The following CEP44 variants were observed in gnomAD, a reference collection of about 807,000 sequenced individuals.
CEP44 encodes centrosomal protein 44.
CEP44 carries 45 observed loss-of-function variants against 46.7 expected under a neutral mutation model. The observed-to-expected ratio is 0.96, with a 90% CI of 0.76 to 1.24. CEP44 has a LOEUF of 1.24. CEP44 is among the 50% of genes most tolerant of loss of function. CEP44 has a pLI of 0.00. For missense variants in CEP44, 475 were observed against 459.7 expected, an observed-to-expected ratio of 1.03 and a Z score of -0.30; for synonymous variants, 142 against 146.0, an observed-to-expected ratio of 0.97 and a Z score of 0.20.
chr4:174,328,577 C>G (rs951923134), intron 8 of CEP44, among the ~76,000 whole-genome samples: 2 of 152,182 alleles, frequency 1.3e-5, no homozygotes, highest in African/African-American at 4.8e-5. Flanking sequence ...CCAGGCCTAC[C>G]TATGGACTTT....
rs202230528 is a variant in CEP44, at chr4:174,309,952, T to G, written c.781T>G (p.Leu261Val). 1.9e-6 allele frequency: 3 copies of G among 1,612,804 alleles called. No homozygotes were observed. Among genetic ancestry groups the G allele is most frequent in the Non-Finnish European group, 2.5e-6 (3 of 1,179,240 alleles). ...TTCGATAGAGAAAAGGTTAGACTGT[T>G]TGGAACAAAAAATGAAAGGAAAAGT... is the stretch of plus-strand genomic sequence containing the variant. ...LTSIEKRLDC[L>V]EQKMKGKVMV... is the part of the protein sequence containing the mutation. Residue 261 changes from leucine to valine, a missense_variant, in exon 8 of 12, where the codon TTG (leucine) becomes GTG (valine). Transcript: ENST00000503780. The surrounding 1 kb of genome is among the most constrained non-coding windows in gnomAD (Gnocchi z 5.3).
chr4:174,328,745 A>G (rs901519588), intron 8 of CEP44, among the ~76,000 whole-genome samples: 9 of 152,224 alleles, frequency 5.9e-5, no homozygotes, highest in Non-Finnish European at 8.8e-5. Flanking sequence ...TTTGACATAT[A>G]TAAAAGATAT....
In CEP44 at chr4:174,302,108, T is replaced by G; in HGVS notation, c.159T>G (p.Tyr53Ter). 6.2e-7 allele frequency: 1 copy of G among 1,612,386 alleles called. No individual in the cohort carries two copies. The highest frequency in any genetic ancestry group is 2.2e-5 in the East Asian group (1 of 44,728). ...ISYSFTSYSP[Y>*]VTELIMESNV... is the part of the protein sequence containing the mutation. Reference sequence around the variant, plus strand: ...ATTCTTTTACCTCATACTCACCTTATGTAACAGAACTTATAATGGAATCCA... The same window carrying G: ...ATTCTTTTACCTCATACTCACCTTAGGTAACAGAACTTATAATGGAATCCA... Residue 53 changes from tyrosine to a stop codon, truncating the protein, a stop_gained, in exon 4 of 12, where the codon TAT becomes TAG. Transcript: ENST00000503780. LOFTEE classifies it high-confidence loss of function.
chr4:174,294,587 G>A (rs1364322966), intron 1 of CEP44, among the ~76,000 whole-genome samples: 1 of 151,922 alleles, frequency 6.6e-6, no homozygotes, highest in Non-Finnish European at 1.5e-5. Context: ...TGGTGGCTGG[G>A]CAGAGGGGCT....
intron 6 of CEP44, among the ~76,000 whole-genome samples, chr4:174,306,470 TTG>T (rs1262827998): frequency 6.6e-6 from 1 of 152,156 alleles, no homozygotes; most frequent in African/African-American, 2.4e-5. Flanking sequence ...TAATCTTGTT[TTG>T]TCTTTATTTT....
intron 2 of CEP44, 41 bp from the exon 3 acceptor site, chr4:174,299,031 T>C (rs1739401010): frequency 3.5e-6 from 4 of 1,127,718 alleles, no homozygotes; most frequent in Non-Finnish European, 5.1e-6. Flanking sequence ...GCTTCAAAAA[T>C]ACAGAGACTT....
At chr4:174,289,716 A>G (rs978646810) in intron 1 of CEP44, among the ~76,000 whole-genome samples, 3 of 150,620 alleles carry the variant, frequency 2.0e-5, no homozygotes, top group Non-Finnish European at 3.0e-5. Context: ...TTGTTTTTCA[A>G]TTTTCTATTT....
At chr4:174,323,305 TC>T (rs902454203), downstream of CEP44, among the ~76,000 whole-genome samples, 1 of 151,962 alleles carries the variant, frequency 6.6e-6, no homozygotes, top group Non-Finnish European at 1.5e-5. Flanking sequence ...TGAGAGGTTT[TC>T]CCCCCTCATG....
intron 1 of CEP44, among the ~76,000 whole-genome samples, chr4:174,293,084 G>A (rs192669617): frequency 1.3e-3 from 202 of 152,308 alleles, no homozygotes; most frequent in African/African-American, 4.6e-3. Flanking sequence ...AGTCACTTAG[G>A]TGGAGCCAGG....
At chr4:174,307,551 G>A (rs1236424490) in intron 6 of CEP44, among the ~76,000 whole-genome samples, 1 of 152,102 alleles carries the variant, frequency 6.6e-6, no homozygotes. Context: ...CATAGGTGTC[G>A]GCAATGATTT....
rs185943272 is a variant in CEP44, at chr4:174,291,027, G to A, written c.-147-6939G>A. On this transcript the variant is annotated intron_variant, in intron 1 of 11. Transcript: ENST00000503780. Reference sequence around the variant, plus strand: ...CTCAATCCCTTCACTTTTAGCCTACGTGTGTCCTTAAATGTTAGAGTCTCT... The same window carrying A: ...CTCAATCCCTTCACTTTTAGCCTACATGTGTCCTTAAATGTTAGAGTCTCT... Among the ~76,000 whole-genome samples, 35 of 152,194 alleles carry A rather than the reference G, an allele frequency of 2.3e-4. No individual in the cohort carries two copies. In the East Asian group the frequency reaches 4.4e-3, roughly 19 times the overall value.
At chr4:174,293,816 T>A (rs1029842156) in intron 1 of CEP44, among the ~76,000 whole-genome samples, 1 of 152,198 alleles carries the variant, frequency 6.6e-6, no homozygotes, top group Admixed American at 6.5e-5. Flanking sequence ...AGCTAGGACT[T>A]CTGGAACACT....
intron 4 of CEP44, 91 bp from the exon 5 acceptor site, chr4:174,303,612 G>A: frequency 1.4e-6 from 1 of 709,492 alleles, no homozygotes; most frequent in Non-Finnish European, 2.3e-6. Context: ...CTCAAAGGTG[G>A]CCATTATTCC....
At chr4:174,322,434 C>A (rs1560923945), downstream of CEP44, among the ~76,000 whole-genome samples, 5 of 152,228 alleles carry the variant, frequency 3.3e-5, no homozygotes, top group East Asian at 5.8e-4. Flanking sequence ...TTAAACATAA[C>A]TCCCTCCAAA....
chr4:174,317,587 CTT>C lies in CEP44; in HGVS notation c.*216_*217del, dbSNP rs34842155. ...GATTATACTGCTTTACCTTGTGTCA[CTT>C]TTTTTTTTTTTAGGAAAAACTCATG... is the stretch of plus-strand genomic sequence containing the variant. On this transcript the variant is annotated 3_prime_UTR_variant, in exon 12 of 12. Transcript: ENST00000503780. 893 of 875,078 alleles carry C rather than the reference CTT, an allele frequency of 1.0e-3. No homozygotes were observed. Among genetic ancestry groups the C allele is most frequent in the East Asian group, 2.8e-3 (45 of 16,068 alleles). The allele number at this position is 875,078 out of a possible 1,614,324, so 54.2% of individuals were successfully genotyped here. A position where few individuals can be genotyped will look rare whatever the true frequency, so the allele number is the denominator to read the frequency against.
In CEP44 at chr4:174,303,733, A is replaced by AT; in HGVS notation, c.272dup (p.Leu91PhefsTer21). ...TCGTGATCAATTTAATTATAAACCA[A>AT]TTTTGACAAAAAAGCAGTTTATCCA... On this transcript the variant is annotated frameshift_variant, in exon 5 of 12. Coordinates refer to ENST00000503780, the MANE Select transcript of CEP44 (RefSeq NM_001040157.3). LOFTEE classifies it high-confidence loss of function. 1.3e-6 allele frequency: 2 copies of AT among 1,548,232 alleles called. No individual in the cohort carries two copies. The highest frequency in any genetic ancestry group is 1.8e-6 in the Non-Finnish European group (2 of 1,131,486).
At chr4:174,328,398 A>G (rs868551639) in intron 8 of CEP44, among the ~76,000 whole-genome samples, 21 of 152,256 alleles carry the variant, frequency 1.4e-4, no homozygotes, top group African/African-American at 4.3e-4. Context: ...AGTTTTTCTA[A>G]GAAATAAATT....
At chr4:174,307,865 A>G (rs887249133) in intron 6 of CEP44, among the ~76,000 whole-genome samples, 2 of 152,202 alleles carry the variant, frequency 1.3e-5, no homozygotes, top group African/African-American at 4.8e-5. Context: ...AAAACTCAAC[A>G]TCACTGATCA....
At chr4:174,313,118 A>AG (rs1320777074) in intron 9 of CEP44, among the ~76,000 whole-genome samples, 3 of 152,062 alleles carry the variant, frequency 2.0e-5, no homozygotes, top group East Asian at 3.9e-4. Flanking sequence ...ATGTTAGGCA[A>AG]GGGGGGCTAT....
Sources: gnomAD v4.1 joint callset for allele counts (sites outside exome capture counted in the v4.1 genomes callset) on GRCh38, gnomAD v4.1.1 for gene constraint, Gnocchi (gnomAD v3.1) non-coding constraint, MANE v1.5 for transcripts, NCBI Gene and HGNC (gene_info 2026-07-23, HGNC 2026-07-21) for gene names.